Variants in NSD1 observed in about 807,000 individuals in gnomAD.
NSD1 encodes the protein nuclear receptor binding SET domain protein 1.
NSD1 carries 26 observed loss-of-function variants against 242.7 expected under a neutral mutation model. The observed-to-expected ratio is 0.11, with a 90% CI of 0.08 to 0.15. The LOEUF (loss-of-function observed/expected upper bound fraction) is 0.15. Ranked by LOEUF, NSD1 falls within the 10% of genes least tolerant of loss-of-function variation. The pLI is 1.00. For synonymous variants in NSD1, 1,106 were observed against 1,178.1 expected (o/e 0.94, Z 1.25); for missense variants, 2,495 against 3,272.8 (o/e 0.76, Z 5.80).
At chr5:177,220,886 A>G (rs1764182073) in intron 5 of NSD1, 1 of 337,846 alleles carries the variant, frequency 3.0e-6, no homozygotes, top group East Asian at 1.0e-4. Context: ...TTTTATGGAG[A>G]CAGGCTCTCC....
At chr5:177,145,545 A>G (rs1412263431) in intron 2 of NSD1, among the ~76,000 whole-genome samples, 1 of 152,174 alleles carries the variant, frequency 6.6e-6, no homozygotes, top group African/African-American at 2.4e-5. Flanking sequence ...TGCATGAGCC[A>G]CCTCAGCCGC....
chr5:177,182,839 C>T (rs529536536), intron 2 of NSD1, among the ~76,000 whole-genome samples: 8 of 152,038 alleles, frequency 5.3e-5, no homozygotes, highest in East Asian at 1.9e-4. Context: ...GGTTTCACCA[C>T]GTTAGTCAGG....
In NSD1 at chr5:177,135,860, C is replaced by G. The variant is rs778128824; in HGVS notation, c.757C>G (p.Leu253Val). The G allele has an allele frequency of 4.2e-5, 67 of 1,605,882 alleles. No homozygotes were observed. The highest frequency in any genetic ancestry group is 5.5e-5 in the Non-Finnish European group (65 of 1,174,052). ...GGACGGCAGCAATGAAAAAGCAGCC[C>G]TTCTCCCAGCCCCCTTTTCACTAGG... ...EVDGSNEKAA[L>V]LPAPFSLGDT... Residue 253 changes from leucine to valine, a missense_variant, in exon 2 of 23, where the codon CTT becomes GTT. Leu to Val is a conservative substitution (Grantham distance 32). This residue lies in a region of NSD1 where 376 missense variants were observed against 367.4 expected (regional missense o/e 1.02). Transcript: ENST00000439151.
intron 2 of NSD1, among the ~76,000 whole-genome samples, chr5:177,182,310 ACT>A (rs1415584759): frequency 4.6e-5 from 7 of 151,970 alleles, no homozygotes; most frequent in Admixed American, 3.9e-4. Flanking sequence ...GTTGAGTGAG[ACT>A]CTGTCTCAGC....
chr5:177,165,841 C>A (rs1189029327), intron 2 of NSD1, among the ~76,000 whole-genome samples: 1 of 151,818 alleles, frequency 6.6e-6, no homozygotes, highest in East Asian at 1.9e-4. Context: ...AAGCAATCTT[C>A]TAGCCTTCTA....
intron 2 of NSD1, among the ~76,000 whole-genome samples, chr5:177,142,256 AT>A (rs1756886114): frequency 6.6e-6 from 1 of 152,236 alleles, no homozygotes; most frequent in Non-Finnish European, 1.5e-5. Context: ...CATTTAAATG[AT>A]TAAAATACAT....
intron 10 of NSD1, chr5:177,247,948 A>G: frequency 1.0e-6 from 1 of 985,364 alleles, no homozygotes; most frequent in Non-Finnish European, 1.2e-6. Flanking sequence ...GGAACAGCTC[A>G]GAAAGTTCCA....
rs1298716320 is a variant in NSD1 at position 177,296,845 on chromosome 5, C to T, written c.*1386C>T. On this transcript the variant is annotated 3_prime_UTR_variant, in exon 23 of 23. Coordinates refer to ENST00000439151, the MANE Select transcript of NSD1 (RefSeq NM_022455.5). The stretch of plus-strand genomic sequence containing the variant: ...GGAAGTGCTGTTTGGCTAGTTTCCT[C>T]CCACTTGTCTACCCCTCCTTTGTCC... 4 of 233,240 alleles carry T rather than the reference C, an allele frequency of 1.7e-5. No homozygotes were observed. The highest frequency in any genetic ancestry group is 3.4e-5 in the Non-Finnish European group (4 of 118,090). 14.4% of individuals were successfully genotyped at this position (233,240 alleles called of 1,614,324 possible).
chr5:177,252,727 A>G (rs1447365529), intron 12 of NSD1, among the ~76,000 whole-genome samples: 1 of 140,470 alleles, frequency 7.1e-6, no homozygotes, highest in Non-Finnish European at 1.5e-5. Flanking sequence ...AATTTTTTTT[A>G]TTTTTTGTTG....
At chr5:177,132,262 G>A (rs1217560810), upstream of NSD1, among the ~76,000 whole-genome samples, 1 of 151,758 alleles carries the variant, frequency 6.6e-6, no homozygotes, top group African/African-American at 2.4e-5. This position sits in a 1 kb window ranked among gnomAD's most constrained non-coding sequence, Gnocchi z 7.5. Context: ...GAACCGGGCT[G>A]CGGAGCAGGC....
intron 8 of NSD1, among the ~76,000 whole-genome samples, chr5:177,241,558 A>T (rs569195925): frequency 1.3e-5 from 2 of 152,000 alleles, no homozygotes; most frequent in African/African-American, 4.8e-5. Flanking sequence ...ACCCTCTCTT[A>T]GATTCCCAGT....
chr5:177,217,412 G>A (rs999517980), intron 5 of NSD1, among the ~76,000 whole-genome samples: 2 of 151,980 alleles, frequency 1.3e-5, no homozygotes, highest in Admixed American at 6.6e-5. Context: ...CTACATAAAG[G>A]TTCATGTCAT....
At chr5:177,165,789 G>GTTA (rs1335345403) in intron 2 of NSD1, among the ~76,000 whole-genome samples, 1 of 151,712 alleles carries the variant, frequency 6.6e-6, no homozygotes, top group Non-Finnish European at 1.5e-5. Context: ...TGTTGTTGTT[G>GTTA]TTATAGCCAT....
chr5:177,198,273 G>A (rs908171324), intron 3 of NSD1, among the ~76,000 whole-genome samples: 1 of 152,088 alleles, frequency 6.6e-6, no homozygotes, highest in African/African-American at 2.4e-5. Flanking sequence ...TGATCCTCCC[G>A]CCTTGGCCTC....
At chr5:177,140,901 T>G (rs1756754725) in intron 2 of NSD1, among the ~76,000 whole-genome samples, 1 of 152,136 alleles carries the variant, frequency 6.6e-6, no homozygotes, top group South Asian at 2.1e-4. Flanking sequence ...CTTCCTCTTC[T>G]CTACCCATCA....
rs60995782 is a variant in NSD1 at position 177,300,057 on chromosome 5, G to GCCCCCCCCCCC, written c.*4601_*4611dup. ...AGGTCCATCATTGCTTTTTTGCCGC[G>GCCCCCCCCCCC]CCCCCCCCCCCCCGCCCCCATAGAT... is the stretch of plus-strand genomic sequence containing the variant. On this transcript the variant is annotated 3_prime_UTR_variant, in exon 23 of 23. Transcript: ENST00000439151. 6 of 129,928 alleles carry GCCCCCCCCCCC rather than the reference G, an allele frequency of 4.6e-5. No homozygotes were observed. Among genetic ancestry groups the GCCCCCCCCCCC allele is most frequent in the Non-Finnish European group, 5.7e-5 (4 of 70,616 alleles). The allele number at this position is 129,928 out of a possible 1,614,324, so 8.0% of individuals were successfully genotyped here.
At chr5:177,194,144 A>G (rs1217626793) in intron 3 of NSD1, among the ~76,000 whole-genome samples, 4 of 152,142 alleles carry the variant, frequency 2.6e-5, no homozygotes, top group Non-Finnish European at 5.9e-5. Context: ...ACATGAGTAA[A>G]TACATACTTC....
At chr5:177,240,756 C>G (rs1361884966) in intron 8 of NSD1, among the ~76,000 whole-genome samples, 5 of 151,798 alleles carry the variant, frequency 3.3e-5, no homozygotes, top group Non-Finnish European at 4.4e-5. Flanking sequence ...CCTATAATCC[C>G]AGGACTTAGG....
At chr5:177,249,539 T>C (rs1755738525) in intron 11 of NSD1, among the ~76,000 whole-genome samples, 1 of 152,156 alleles carries the variant, frequency 6.6e-6, no homozygotes, top group African/African-American at 2.4e-5. Context: ...CGATCTCTGC[T>C]CACTGCAAGC....
Sources: gnomAD v4.1 joint callset for allele counts (sites outside exome capture counted in the v4.1 genomes callset) on GRCh38, gnomAD v4.1.1 for gene constraint, gnomAD v4.1.1 regional missense constraint, Gnocchi (gnomAD v3.1) non-coding constraint, MANE v1.5 for transcripts, NCBI Gene and HGNC (gene_info 2026-07-23, HGNC 2026-07-21) for gene names.